FGGY: variants seen among roughly 807,000 people sequenced by gnomAD.
FGGY encodes FGGY carbohydrate kinase domain-containing protein.
FGGY carries 72 observed loss-of-function variants against 71.3 expected under a neutral mutation model. The ratio of observed to expected loss-of-function variants is 1.01; its 90% CI spans 0.84 to 1.23. The LOEUF is 1.23. Among genes scored for constraint, FGGY ranks in the 50% most tolerant of loss-of-function variants. The pLI is 0.00. For missense variants in FGGY, 668 were observed against 682.3 expected (o/e 0.98, Z 0.23); for synonymous variants, 251 against 250.3 (o/e 1.00, Z -0.02).
chr1:59,647,741 C>CTTTT (rs578262218), intron 11 of FGGY, among the ~76,000 whole-genome samples: 5 of 111,590 alleles, frequency 4.5e-5, no homozygotes, highest in South Asian at 3.1e-4. Flanking sequence ...CTGCCACCAT[C>CTTTT]TTTTTTTTTT....
chr1:59,479,570 G>T (rs761832771), intron 6 of FGGY, among the ~76,000 whole-genome samples: 6 of 152,176 alleles, frequency 3.9e-5, no homozygotes, highest in Admixed American at 2.0e-4. Flanking sequence ...GCATGTGCTC[G>T]GAAGTGGGAA....
In FGGY at chr1:59,653,814, A is replaced by G. The variant is rs112554763; in HGVS notation, c.1222-6405A>G. On this transcript the variant is annotated intron_variant, in intron 11 of 15. Coordinates refer to ENST00000303721, the MANE Select transcript of FGGY (RefSeq NM_018291.5). ...CTTTTAAGCCAGCAATGATGGGTCA[A>G]ATCTTTCTCATGCTTTGAACCACTC... Among the ~76,000 whole-genome samples, 132 of 152,240 alleles carry G rather than the reference A, an allele frequency of 8.7e-4. 2 individuals are homozygous for G. The highest frequency in any genetic ancestry group is 3.0e-3 in the African/African-American group (125 of 41,542).
At chr1:59,317,372 G>T (rs190661985) in intron 1 of FGGY, among the ~76,000 whole-genome samples, 23 of 152,328 alleles carry the variant, frequency 1.5e-4, no homozygotes, top group African/African-American at 5.5e-4. Flanking sequence ...TAATAAAGTG[G>T]TGATAGGTTT....
At chr1:59,704,258 C>G (rs1486237227) in intron 14 of FGGY, among the ~76,000 whole-genome samples, 2 of 152,102 alleles carry the variant, frequency 1.3e-5, no homozygotes. Flanking sequence ...CCTGGGAGAA[C>G]AGCAGATAAC....
intron 14 of FGGY, among the ~76,000 whole-genome samples, chr1:59,685,570 G>A (rs1437133583): frequency 6.6e-6 from 1 of 152,124 alleles, no homozygotes; most frequent in Non-Finnish European, 1.5e-5. Context: ...AAAGGACAAG[G>A]TGATTTGATT....
chr1:59,737,163 G>A (rs529063378), intron 14 of FGGY, among the ~76,000 whole-genome samples: 13 of 152,384 alleles, frequency 8.5e-5, no homozygotes, highest in African/African-American at 2.4e-4. Flanking sequence ...CTAGATTTCA[G>A]AGGATGTATG....
chr1:59,720,196 G>C (rs995975405), intron 14 of FGGY, among the ~76,000 whole-genome samples: 35 of 152,178 alleles, frequency 2.3e-4, no homozygotes, highest in Admixed American at 1.2e-3. Flanking sequence ...AAGGCAACAG[G>C]TAAGGGGCTC....
intron 9 of FGGY, among the ~76,000 whole-genome samples, chr1:59,625,655 C>T (rs1469598115): frequency 6.6e-6 from 1 of 152,094 alleles, no homozygotes; most frequent in African/African-American, 2.4e-5. Flanking sequence ...TTTTAACACT[C>T]AGACCCCCCC....
chr1:59,758,113 A>G, intron 15 of FGGY, 121 bp downstream of exon 15: 1 of 624,146 alleles, frequency 1.6e-6, no homozygotes, highest in Non-Finnish European at 2.6e-6. Flanking sequence ...ATTTGTGGTT[A>G]AGAAAACTAA....
chr1:59,631,254 G>C (rs2096905907), intron 10 of FGGY, among the ~76,000 whole-genome samples: 1 of 152,054 alleles, frequency 6.6e-6, no homozygotes. Context: ...TTTTGTCACA[G>C]CTAGCTTCCT....
chr1:59,444,036 A>T (rs955858052), intron 5 of FGGY, among the ~76,000 whole-genome samples: 1 of 152,100 alleles, frequency 6.6e-6, no homozygotes, highest in Non-Finnish European at 1.5e-5. Flanking sequence ...TGAGTGAGAA[A>T]CCCAACATTA....
chr1:59,611,918 A>C (rs1043691240), intron 9 of FGGY, among the ~76,000 whole-genome samples: 1 of 152,258 alleles, frequency 6.6e-6, no homozygotes, highest in African/African-American at 2.4e-5. Context: ...GATCAAATGA[A>C]TGAAATGAAG....
Position 59,378,805 on chromosome 1 carries a change from C to T in FGGY, c.522C>T (p.Phe174=). ...KAGHFFDLPD[F]LSWKATGVTA... Reference sequence around the variant, plus strand: ...GACATTTCTTTGATCTCCCGGACTTCTTATCGTGGAAGGCAACAGGTGTCA... The same window carrying T: ...GACATTTCTTTGATCTCCCGGACTTTTTATCGTGGAAGGCAACAGGTGTCA... Residue 174 remains phenylalanine (F), a synonymous_variant, in exon 5 of 16, where the codon TTC becomes TTT. Coordinates refer to ENST00000303721, the MANE Select transcript of FGGY (RefSeq NM_018291.5). The T allele has an allele frequency of 6.2e-7, 1 of 1,613,514 alleles. No homozygotes were observed. The highest frequency in any genetic ancestry group is 8.5e-7 in the Non-Finnish European group (1 of 1,179,624).
rs185751495 is a variant in FGGY at position 59,504,914 on chromosome 1, G to T, written c.671-7397G>T. ...AGTTCAGCTAAATGAACATTGCTGA[G>T]AACTTATGTTCTAGACACTGCTGAC... is the stretch of plus-strand genomic sequence containing the variant. On this transcript the variant is annotated intron_variant, in intron 6 of 15. Transcript: ENST00000303721. Among the ~76,000 whole-genome samples the T allele has an allele frequency of 2.6e-5, 4 of 152,254 alleles. No individual in the cohort carries two copies. The East Asian group carries it at 7.7e-4, about 29-fold the overall frequency.
At chr1:59,609,092 G>C (rs1402680570) in intron 9 of FGGY, among the ~76,000 whole-genome samples, 1 of 152,162 alleles carries the variant, frequency 6.6e-6, no homozygotes, top group Non-Finnish European at 1.5e-5. Context: ...GACAAACCAG[G>C]TAAAGAAGGG....
At chr1:59,624,220 G>A (rs1291016591) in intron 9 of FGGY, among the ~76,000 whole-genome samples, 1 of 151,994 alleles carries the variant, frequency 6.6e-6, no homozygotes, top group African/African-American at 2.4e-5. Flanking sequence ...ACGTATACCT[G>A]GAAGTTCAGT....
intron 14 of FGGY, among the ~76,000 whole-genome samples, chr1:59,710,933 A>G (rs1334426892): frequency 2.6e-5 from 4 of 152,222 alleles, no homozygotes; most frequent in Non-Finnish European, 5.9e-5. Flanking sequence ...CAGCAATCCC[A>G]TTACTAGATA....
intron 14 of FGGY, among the ~76,000 whole-genome samples, chr1:59,739,131 C>A (rs1369897805): frequency 2.0e-5 from 3 of 152,202 alleles, no homozygotes; most frequent in East Asian, 1.9e-4. Flanking sequence ...CACCTCTTAG[C>A]TTGTACATTT....
chr1:59,512,130 T>C (rs1251090514), intron 6 of FGGY, among the ~76,000 whole-genome samples, 181 bp from the exon 7 acceptor site: 1 of 152,184 alleles, frequency 6.6e-6, no homozygotes, highest in Non-Finnish European at 1.5e-5. Context: ...GACCCATAGG[T>C]ACCAAGCACG....
Sources: gnomAD v4.1 joint callset for allele counts (sites outside exome capture counted in the v4.1 genomes callset) on GRCh38, gnomAD v4.1.1 for gene constraint, MANE v1.5 for transcripts, NCBI Gene and HGNC (gene_info 2026-07-23, HGNC 2026-07-21) for gene names.